PTPRQ: variants seen among roughly 807,000 people sequenced by gnomAD.
PTPRQ encodes the protein protein tyrosine phosphatase receptor type Q.
In PTPRQ, 199 loss-of-function variants were observed where a neutral mutation model predicts 246.0. The ratio of observed to expected loss-of-function variants is 0.81; its 90% CI spans 0.72 to 0.91. The LOEUF is 0.91. Among genes scored for constraint, PTPRQ ranks in the 40% least tolerant of loss-of-function variants. The probability of loss-of-function intolerance (pLI) is 0.00; values close to 1 mark genes in which losing one functional copy is unlikely to be tolerated. For synonymous variants in PTPRQ, 869 were observed against 853.2 expected (o/e 1.02, Z -0.32); for missense variants, 2,624 against 2,528.4 (o/e 1.04, Z -0.81).
At chr12:80,467,068 G>A (rs1244488876) in intron 6 of PTPRQ, among the ~76,000 whole-genome samples, 2 of 152,144 alleles carry the variant, frequency 1.3e-5, no homozygotes, top group African/African-American at 2.4e-5. Context: ...GAGTGAACAG[G>A]CAACCTTCAG....
intron 33 of PTPRQ, among the ~76,000 whole-genome samples, chr12:80,631,563 T>C (rs1456466366): frequency 6.6e-6 from 1 of 152,194 alleles, no homozygotes; most frequent in African/African-American, 2.4e-5. Context: ...TCTAGCACCA[T>C]TATATGTCTT....
At chr12:80,491,804 G>T (rs1230642041) in intron 9 of PTPRQ, among the ~76,000 whole-genome samples, 2 of 151,758 alleles carry the variant, frequency 1.3e-5, no homozygotes, top group African/African-American at 4.8e-5. Flanking sequence ...TAAGTGCTTT[G>T]ATATTCCTAA....
At chr12:80,482,262 C>A (rs113054662) in intron 8 of PTPRQ, among the ~76,000 whole-genome samples, 1 of 150,612 alleles carries the variant, frequency 6.6e-6, no homozygotes, top group African/African-American at 2.4e-5. Context: ...CTGAGAAAAA[C>A]AAGCAATGGG....
chr12:80,538,256 A>C (rs1352600508), intron 19 of PTPRQ, among the ~76,000 whole-genome samples: 1 of 152,244 alleles, frequency 6.6e-6, no homozygotes, highest in Non-Finnish European at 1.5e-5. Context: ...TTTTGCAAAA[A>C]TAAACAGCTG....
At chr12:80,674,622 G>GA (rs1327729069) in intron 43 of PTPRQ, among the ~76,000 whole-genome samples, 14 of 152,068 alleles carry the variant, frequency 9.2e-5, no homozygotes, top group Admixed American at 4.6e-4. Flanking sequence ...AGATTATTTA[G>GA]TTATGTAAAT....
chr12:80,455,858 C>G (rs1892965779), intron 3 of PTPRQ, among the ~76,000 whole-genome samples: 1 of 152,070 alleles, frequency 6.6e-6, no homozygotes, highest in African/African-American at 2.4e-5. Context: ...TTCTGCCTTC[C>G]AAAGTGCTGG....
chr12:80,493,335 T>C lies in PTPRQ; in HGVS notation c.1420T>C (p.Tyr474His), dbSNP rs760119330. ...VNIVEPMVGL[Y>H]EGSAEMSSDL... The stretch of plus-strand genomic sequence containing the variant: ...CATAGTAGAGCCAATGGTAGGATTA[T>C]ATGAGGGTTCAGCAGAGATGTCGTC... The change falls in exon 10 of 45, where the codon TAT becomes CAT. Residue 474 changes from tyrosine to histidine, a missense_variant. Physicochemically the swap from Tyr to His is moderately conservative, Grantham distance 83. Coordinates refer to ENST00000644991, the MANE Select transcript of PTPRQ (RefSeq NM_001145026.2). 6.5e-7 allele frequency: 1 copy of C among 1,549,556 alleles called. No homozygotes were observed. The highest frequency in any genetic ancestry group is 1.4e-5 in the African/African-American group (1 of 72,896).
intron 31 of PTPRQ, 138 bp downstream of exon 31, chr12:80,619,680 T>A (rs900788504): frequency 3.7e-6 from 2 of 547,234 alleles, no homozygotes; most frequent in African/African-American, 3.9e-5. Flanking sequence ...ATATTATTAT[T>A]AATGATACCA....
intron 8 of PTPRQ, among the ~76,000 whole-genome samples, chr12:80,476,954 G>A (rs944227718): frequency 1.3e-5 from 2 of 152,272 alleles, no homozygotes; most frequent in East Asian, 3.9e-4. Flanking sequence ...AGAGGTTGGA[G>A]GGATGCATGA....
Position 80,475,911 on chromosome 12 carries a change from A to G in PTPRQ, c.1186+3660A>G, listed in dbSNP as rs531025183. 6.4e-4 allele frequency among the ~76,000 whole-genome samples: 97 copies of G among 152,222 alleles called. 1 individual carries two copies. The South Asian group carries it at 0.017, about 27-fold the overall frequency. On this transcript the variant is annotated intron_variant, in intron 8 of 44. Coordinates refer to ENST00000644991, the MANE Select transcript of PTPRQ (RefSeq NM_001145026.2). ...AAATAAGAGACAGTAAAATATATAT[A>G]GTTTTCTGCTGTCCTGCATAATATT... is the stretch of plus-strand genomic sequence containing the variant.
In PTPRQ at chr12:80,582,741, T is replaced by G. The variant is rs531160448; in HGVS notation, c.4286-5388T>G. On this transcript the variant is annotated intron_variant, in intron 25 of 44. Coordinates refer to ENST00000644991, the MANE Select transcript of PTPRQ (RefSeq NM_001145026.2). ...AACTAAGACAGTCACTCTAGATATATTCTTTGGAAGTGAGAGAAGGGACTG... is the reference window on the plus strand; with the variant it reads ...AACTAAGACAGTCACTCTAGATATAGTCTTTGGAAGTGAGAGAAGGGACTG... Among the ~76,000 whole-genome samples, 6 of 152,234 alleles carry G rather than the reference T, an allele frequency of 3.9e-5. No homozygotes were observed. The South Asian group carries it at 1.2e-3, about 32-fold the overall frequency.
chr12:80,494,963 T>C lies in PTPRQ; in HGVS notation c.1571T>C (p.Ile524Thr), dbSNP rs771269909. The C allele has an allele frequency of 4.2e-5, 65 of 1,549,928 alleles. No individual in the cohort carries two copies. The highest frequency in any genetic ancestry group is 5.3e-5 in the Non-Finnish European group (61 of 1,145,884). The change falls in exon 11 of 45, where the codon ATT (isoleucine) becomes ACT (threonine). Residue 524 changes from isoleucine (I) to threonine (T), a missense_variant. Transcript: ENST00000644991. ...VTTRNQYITD[I>T]AAEQLSYVIR... ...ACAAGGAATCAGTATATTACTGACA[T>C]TGCAGCTGAACAGCTGTCTTATGTT...
intron 25 of PTPRQ, among the ~76,000 whole-genome samples, chr12:80,577,386 A>G (rs1592676913): frequency 2.0e-5 from 3 of 152,128 alleles, no homozygotes; most frequent in Admixed American, 6.5e-5. Context: ...TAAAACTATC[A>G]GATCTTGTGA....
chr12:80,607,285 G>A (rs113975621), intron 27 of PTPRQ, among the ~76,000 whole-genome samples: 15 of 151,000 alleles, frequency 9.9e-5, no homozygotes, highest in African/African-American at 3.6e-4. Context: ...ACAGGAGAAA[G>A]GGAAGGTCAT....
intron 3 of PTPRQ, among the ~76,000 whole-genome samples, chr12:80,456,740 G>A (rs1892994769): frequency 6.6e-6 from 1 of 152,008 alleles, no homozygotes; most frequent in Admixed American, 6.5e-5. Context: ...AATTCCAAAG[G>A]GTATTTGGCA....
At chr12:80,473,047 G>GCGCACA (rs758446731) in intron 8 of PTPRQ, among the ~76,000 whole-genome samples, 10 of 145,676 alleles carry the variant, frequency 6.9e-5, no homozygotes, top group African/African-American at 1.6e-4. Context: ...TCACACACAC[G>GCGCACA]CACACACACA....
At chr12:80,471,222 T>C (rs1037048566) in intron 7 of PTPRQ, among the ~76,000 whole-genome samples, 2 of 151,958 alleles carry the variant, frequency 1.3e-5, no homozygotes, top group Non-Finnish European at 2.9e-5. Context: ...CTACCACACC[T>C]AAAGGCCTGG....
At chr12:80,651,075 A>G (rs1900243006) in intron 37 of PTPRQ, among the ~76,000 whole-genome samples, 1 of 152,090 alleles carries the variant, frequency 6.6e-6, no homozygotes, top group African/African-American at 2.4e-5. Context: ...GGCACATACA[A>G]TCAGCACTTA....
chr12:80,661,687 C>A (rs1308479507), intron 39 of PTPRQ, among the ~76,000 whole-genome samples: 1 of 151,144 alleles, frequency 6.6e-6, no homozygotes, highest in East Asian at 1.9e-4. Context: ...TTCCCTAGAG[C>A]TTATATGGGT....
Sources: gnomAD v4.1 joint callset for allele counts (sites outside exome capture counted in the v4.1 genomes callset) on GRCh38, gnomAD v4.1.1 for gene constraint, MANE v1.5 for transcripts, NCBI Gene and HGNC (gene_info 2026-07-23, HGNC 2026-07-21) for gene names.